The following PSKH1 variants were observed in gnomAD, a reference collection of about 807,000 sequenced individuals.
The protein encoded by PSKH1 is serine/threonine-protein kinase H1.
PSKH1 carries 12 observed loss-of-function variants against 26.7 expected under a neutral mutation model. The observed-to-expected ratio is 0.45, with a 90% confidence interval of 0.29 to 0.73. The LOEUF (loss-of-function observed/expected upper bound fraction) is 0.73, where lower values mean the gene tolerates loss of function less well. Among genes scored for constraint, PSKH1 ranks in the 30% least tolerant of loss-of-function variants. The pLI is 0.11. For synonymous variants in PSKH1, 213 were observed against 234.3 expected, an observed-to-expected ratio of 0.91 and a Z score of 0.83; for missense variants, 431 against 595.2, an observed-to-expected ratio of 0.72 and a Z score of 2.87.
At chr16:67,922,433 A>G (rs2058205154) in intron 2 of PSKH1, among the ~76,000 whole-genome samples, 1 of 152,176 alleles carries the variant, frequency 6.6e-6, no homozygotes, top group African/African-American at 2.4e-5. Flanking sequence ...CATGGTAGCA[A>G]AGCCCAGGCT....
chr16:67,917,338 T>C (rs976150684), intron 2 of PSKH1, among the ~76,000 whole-genome samples: 7 of 152,236 alleles, frequency 4.6e-5, no homozygotes, highest in Non-Finnish European at 1.0e-4. Context: ...CTCCCTGGTA[T>C]GTGTGCCTCA....
At position 67,927,401 on chromosome 16, in the gene PSKH1, C is replaced by G. The variant is rs1214099248; in HGVS notation, c.1034C>G (p.Thr345Ser). 1 of 1,614,108 alleles carries G rather than the reference C, an allele frequency of 6.2e-7. No homozygotes were observed. Among genetic ancestry groups the G allele is most frequent in the African/African-American group, 1.3e-5 (1 of 74,948 alleles). ...ACAGTGGACCCTGGAGCCCGTATGA[C>G]TGCACTGCAGGCCCTGAGGCACCCG... ...LLTVDPGARM[T>S]ALQALRHPWV... is the part of the protein sequence containing the mutation. The change falls in exon 3 of 3, where the codon ACT becomes AGT. Residue 345 changes from threonine (T) to serine (S), a missense_variant. By Grantham distance (58) the Thr-to-Ser change is moderately conservative (BLOSUM62 1). Coordinates refer to ENST00000291041, the MANE Select transcript of PSKH1 (RefSeq NM_006742.3). This position sits in a 1 kb window ranked among gnomAD's most constrained non-coding sequence, Gnocchi z 5.5.
rs2058229055 is a variant in PSKH1, at chr16:67,929,162, T to C, written c.*1520T>C. The C allele has an allele frequency of 6.6e-6, 1 of 152,652 alleles. No homozygotes were observed. Among genetic ancestry groups the C allele is most frequent in the East Asian group, 1.9e-4 (1 of 5,190 alleles). The allele number at this position is 152,652 out of a possible 1,614,324, so 9.5% of individuals were successfully genotyped here. A position where few individuals can be genotyped will look rare whatever the true frequency, so the allele number is the denominator to read the frequency against. On this transcript the variant is annotated 3_prime_UTR_variant, in exon 3 of 3. Transcript: ENST00000291041. The stretch of plus-strand genomic sequence containing the variant: ...CCACAGCTGCCTTCAGTGGGTAGAA[T>C]GGGGCCAGGGCCCAGCTTTGGCCTT...
intron 1 of PSKH1, among the ~76,000 whole-genome samples, chr16:67,907,600 A>C (rs1172885064): frequency 3.9e-5 from 6 of 152,170 alleles, no homozygotes; most frequent in South Asian, 2.1e-4. Flanking sequence ...CGAGTTTTGC[A>C]GTCACTTGGT....
chr16:67,909,680 A>C lies in PSKH1; in HGVS notation c.931A>C (p.Arg311=). 6.2e-7 allele frequency: 1 copy of C among 1,612,662 alleles called. No individual in the cohort carries two copies. Among genetic ancestry groups the C allele is most frequent in the Non-Finnish European group, 8.5e-7 (1 of 1,179,910 alleles). The change falls in exon 2 of 3, where the codon AGG becomes CGG. Residue 311 remains arginine (R), a synonymous_variant. Coordinates refer to ENST00000291041, the MANE Select transcript of PSKH1 (RefSeq NM_006742.3). The surrounding 1 kb of genome is among the most constrained non-coding windows in gnomAD (Gnocchi z 7.8). Reference sequence around the variant, plus strand: ...TACCCGGCTGTACCGGCAGATCCTCAGGGGCAAGTACAGTTACTCTGGGGA... The same window carrying C: ...TACCCGGCTGTACCGGCAGATCCTCCGGGGCAAGTACAGTTACTCTGGGGA... ...NRTRLYRQIL[R]GKYSYSGEPW...
intron 2 of PSKH1, among the ~76,000 whole-genome samples, chr16:67,925,543 C>T (rs1417808747): frequency 1.3e-5 from 2 of 152,022 alleles, no homozygotes; most frequent in South Asian, 2.1e-4. Flanking sequence ...ACCTGCCTGT[C>T]GGGGAGGGCT....
chr16:67,908,658 C>G lies in PSKH1; in HGVS notation c.-70-22C>G, dbSNP rs1598189116. The G allele has an allele frequency of 9.7e-6, 11 of 1,132,232 alleles. No individual in the cohort carries two copies. The East Asian group carries it at 2.7e-4, about 27-fold the overall frequency. The allele number at this position is 1,132,232 out of a possible 1,614,324, so 70.1% of individuals were successfully genotyped here. On this transcript the variant is annotated intron_variant, in intron 1 of 2. Transcript: ENST00000291041. ...CTTAGAGTTGGCCTGGCTGTGCTGA[C>G]TTGTTCTCTCTTTGTGTGTAGGTGT...
chr16:67,901,491 C>A (rs1400601313), intron 1 of PSKH1, among the ~76,000 whole-genome samples: 2 of 152,112 alleles, frequency 1.3e-5, no homozygotes, highest in Non-Finnish European at 2.9e-5. Flanking sequence ...GCCACCACGC[C>A]TGGCTAATTT....
chr16:67,921,969 TCTG>T (rs781633407), intron 2 of PSKH1, among the ~76,000 whole-genome samples: 1 of 151,910 alleles, frequency 6.6e-6, no homozygotes, highest in Non-Finnish European at 1.5e-5. Context: ...ATCTTTATTC[TCTG>T]CTTTTTTTTT....
At chr16:67,902,925 G>A (rs1374127665) in intron 1 of PSKH1, 1 of 152,080 alleles carries the variant, frequency 6.6e-6, no homozygotes, top group East Asian at 1.9e-4. Context: ...TGTTTTCCCT[G>A]AAAGAAGAAA....
chr16:67,909,224 G>A lies in PSKH1; in HGVS notation c.475G>A (p.Val159Met), dbSNP rs377334046. Residue 159 changes from valine to methionine, a missense_variant, in exon 2 of 3, where the codon GTG becomes ATG. Transcript: ENST00000291041. The surrounding 1 kb of genome is among the most constrained non-coding windows in gnomAD (Gnocchi z 7.8). ...GCGTCATGCCAACATCATCCAGCTG[G>A]TGGAGGTGTTCGAGACACAGGAGCG... ...RVRHANIIQLVEVFETQERVY... is the reference protein window; with the variant it reads ...RVRHANIIQLMEVFETQERVY... 1.9e-6 allele frequency: 3 copies of A among 1,614,154 alleles called. No homozygotes were observed. The highest frequency in any genetic ancestry group is 2.7e-5 in the African/African-American group (2 of 75,036).
chr16:67,906,824 C>G (rs144035550), intron 1 of PSKH1, among the ~76,000 whole-genome samples: 1,632 of 152,244 alleles, frequency 0.011, 24 homozygotes, highest in Non-Finnish European at 0.018. Context: ...GTATTTAGTT[C>G]ATGGTTGGAA....
intron 1 of PSKH1, among the ~76,000 whole-genome samples, chr16:67,907,918 G>C (rs1399138080): frequency 6.6e-6 from 1 of 152,184 alleles, no homozygotes; most frequent in Non-Finnish European, 1.5e-5. Flanking sequence ...CTGAGCCCTG[G>C]TGGGTGATGG....
At chr16:67,917,020 C>G (rs2058189805) in intron 2 of PSKH1, among the ~76,000 whole-genome samples, 1 of 152,232 alleles carries the variant, frequency 6.6e-6, no homozygotes, top group Admixed American at 6.5e-5. Context: ...AAGCTTCTGC[C>G]TCAACTGTTC....
Position 67,908,965 on chromosome 16 carries a change from G to T in PSKH1, c.216G>T (p.Glu72Asp). The T allele has an allele frequency of 6.2e-7, 1 of 1,613,964 alleles. No individual in the cohort carries two copies. Among genetic ancestry groups the T allele is most frequent in the Non-Finnish European group, 8.5e-7 (1 of 1,179,886 alleles). The stretch of plus-strand genomic sequence containing the variant: ...GTCCCCCGACTGCTGGCCACACGGA[G>T]CCTCCCTCAGAACCACCACGCAGGG... ...CPGPPTAGHT[E>D]PPSEPPRRAR... The change falls in exon 2 of 3, where the codon GAG becomes GAT. Residue 72 changes from glutamate to aspartate, a missense_variant. Physicochemically the swap from Glu to Asp is conservative, Grantham distance 45. Transcript: ENST00000291041.
chr16:67,917,968 A>G (rs1278613525), intron 2 of PSKH1, among the ~76,000 whole-genome samples: 1 of 152,164 alleles, frequency 6.6e-6, no homozygotes, highest in Non-Finnish European at 1.5e-5. Context: ...TGGGAGAGGT[A>G]GCGAAGGCCT....
intron 1 of PSKH1, among the ~76,000 whole-genome samples, chr16:67,907,210 G>T (rs896292426): frequency 6.6e-6 from 1 of 151,502 alleles, no homozygotes; most frequent in Non-Finnish European, 1.5e-5. Context: ...TGATCCGCCC[G>T]CCTCGGTCTC....
At chr16:67,920,804 G>A (rs540256820) in intron 2 of PSKH1, among the ~76,000 whole-genome samples, 3 of 152,260 alleles carry the variant, frequency 2.0e-5, no homozygotes, top group South Asian at 4.1e-4. Context: ...CTCCCTTGTG[G>A]CCCAGCCAGC....
chr16:67,906,618 G>A lies in PSKH1; in HGVS notation c.-70-2062G>A, dbSNP rs562859045. On this transcript the variant is annotated intron_variant, in intron 1 of 2. Coordinates refer to ENST00000291041, the MANE Select transcript of PSKH1 (RefSeq NM_006742.3). ...GACCTCAAGTGATCCGCCCACCTCGGCCTCCCAAAGTGCTGGGATTACAGG... is the reference window on the plus strand; with the variant it reads ...GACCTCAAGTGATCCGCCCACCTCGACCTCCCAAAGTGCTGGGATTACAGG... 2.0e-5 allele frequency among the ~76,000 whole-genome samples: 3 copies of A among 152,236 alleles called. No homozygotes were observed. In the South Asian group the frequency reaches 6.3e-4, roughly 32 times the overall value.
Sources: allele counts gnomAD v4.1 joint callset (sites outside exome capture counted in the v4.1 genomes callset), GRCh38; gene constraint gnomAD v4.1.1; non-coding constraint Gnocchi (gnomAD v3.1); transcripts MANE v1.5; gene names NCBI Gene and HGNC (gene_info 2026-07-23, HGNC 2026-07-21).